Variants in MXD3 observed in about 807,000 individuals in gnomAD.
The protein encoded by MXD3 is Max-associated protein 3.
MXD3 carries 20 observed loss-of-function variants against 27.5 expected under a neutral mutation model. The ratio of observed to expected loss-of-function variants is 0.73; its 90% confidence interval spans 0.51 to 1.06. MXD3 has a LOEUF of 1.06. Ranked by LOEUF, MXD3 falls within the 50% of genes least tolerant of loss-of-function variation. The probability of loss-of-function intolerance (pLI) is 0.00; values close to 1 mark genes in which losing one functional copy is unlikely to be tolerated. For synonymous variants in MXD3, 150 were observed against 130.7 expected, an observed-to-expected ratio of 1.15 and a Z score of -1.01; for missense variants, 298 against 291.3, an observed-to-expected ratio of 1.02 and a Z score of -0.17.
rs918221972 is a variant in MXD3 at position 177,310,492 on chromosome 5, G to A, written c.255C>T (p.Pro85=). ...TGTACCGGGCACAGTCGGCCCCCAG[G>A]GGCATCTGCTGCTTCAGCCGCTCCA... The part of the protein sequence containing the change: ...RCLERLKQQM[P]LGADCARYTT... The change falls in exon 4 of 6, where the codon CCC becomes CCT. Residue 85 remains proline (P), a synonymous_variant. Coordinates refer to ENST00000439742, the MANE Select transcript of MXD3 (RefSeq NM_031300.4). 6.2e-7 allele frequency: 1 copy of A among 1,613,014 alleles called. No individual in the cohort carries two copies. Among genetic ancestry groups the A allele is most frequent in the African/African-American group, 1.3e-5 (1 of 75,032 alleles).
rs1259185023 is a variant in MXD3 at position 177,307,951 on chromosome 5, T to C, written c.335A>G (p.Gln112Arg). Residue 112 changes from glutamine to arginine, a missense_variant, in exon 5 of 6, where the codon CAG (glutamine) becomes CGG (arginine). Coordinates refer to ENST00000439742, the MANE Select transcript of MXD3 (RefSeq NM_031300.4). ...CTTGAGCTGTCGGGCCCGCTGCTCC[T>C]GATCCTCCAGCTTCTGCGGATCCCA... ...ARMHIQKLED[Q>R]EQRARQLKER... The C allele has an allele frequency of 1.1e-5, 17 of 1,562,912 alleles. No individual in the cohort carries two copies. Among genetic ancestry groups the C allele is most frequent in the African/African-American group, 1.4e-5 (1 of 73,550 alleles).
chr5:177,311,505 C>T, intron 1 of MXD3, 21 bp from the exon 2 acceptor site: 2 of 1,421,372 alleles, frequency 1.4e-6, no homozygotes, highest in South Asian at 1.6e-5. Context: ...GAGTCCCCGC[C>T]CGCGTCAGGC....
Position 177,310,472 on chromosome 5 carries a change from C to T in MXD3, c.275G>A (p.Arg92Gln), listed in dbSNP as rs758018110. Residue 92 changes from arginine (R) to glutamine (Q), a missense_variant, in exon 4 of 6, where the codon CGG becomes CAG. Physicochemically the swap from Arg to Gln is conservative, Grantham distance 43 (BLOSUM62 1). Transcript: ENST00000439742. ...GCGCAGCAGGCTCAGCGTGGTGTAC[C>T]GGGCACAGTCGGCCCCCAGGGGCAT... ...QQMPLGADCA[R>Q]YTTLSLLRRA... 8.1e-6 allele frequency: 13 copies of T among 1,613,012 alleles called. No homozygotes were observed. The highest frequency in any genetic ancestry group is 4.5e-5 in the East Asian group (2 of 44,878).
At position 177,307,591 on chromosome 5, in the gene MXD3, T is replaced by A. The variant is rs752277001; in HGVS notation, c.618A>T (p.Leu206=). 3 of 1,612,474 alleles carry A rather than the reference T, an allele frequency of 1.9e-6. No individual in the cohort carries two copies. The highest frequency in any genetic ancestry group is 3.3e-4 in the Middle Eastern group (2 of 6,060). The change falls in exon 6 of 6, where the codon CTA becomes CTT. Residue 206 remains leucine, a synonymous_variant. Coordinates refer to ENST00000439742, the MANE Select transcript of MXD3 (RefSeq NM_031300.4). ...HSYSHGGGAW[L] ...GGCCCGCCCTGGGTGAGGAACATCA[T>A]AGCCAGGCGCCGCCGCCGTGCGAGT...
chr5:177,312,590 T>C (rs1019423418), upstream of MXD3: 3 of 985,376 alleles, frequency 3.0e-6, no homozygotes, highest in Non-Finnish European at 3.6e-6. Context: ...GCCTGCCATC[T>C]GCCCCCGAAG....
Position 177,310,489 on chromosome 5 carries a change from CA to C in MXD3, c.257del (p.Leu86ArgfsTer11). ...TGGTGTACCGGGCACAGTCGGCCCC[CA>C]GGGGCATCTGCTGCTTCAGCCGCTC... The part of the protein sequence containing the change: ...CLERLKQQMP[L>X]GADCARYTTL... On this transcript the variant is annotated frameshift_variant, in exon 4 of 6. Transcript: ENST00000439742. LOFTEE classifies it high-confidence loss of function. 1 of 1,613,112 alleles carries C rather than the reference CA, an allele frequency of 6.2e-7. No homozygotes were observed. Among genetic ancestry groups the C allele is most frequent in the Non-Finnish European group, 8.5e-7 (1 of 1,179,678 alleles).
upstream of MXD3, chr5:177,312,614 C>T (rs571026636): frequency 1.5e-5 from 15 of 985,512 alleles, no homozygotes; most frequent in African/African-American, 2.3e-4. Flanking sequence ...CCCGTGGGCC[C>T]CAGCTTCCTA....
chr5:177,310,763 C>A, intron 2 of MXD3, 66 bp from the exon 3 acceptor site: 1 of 1,587,686 alleles, frequency 6.3e-7, no homozygotes, highest in Admixed American at 1.7e-5. Context: ...ATCCCAGGGC[C>A]CCCAGTGGCT....
chr5:177,306,012 G>T, downstream of MXD3: 1 of 1,605,796 alleles, frequency 6.2e-7, no homozygotes, highest in Non-Finnish European at 8.5e-7. Flanking sequence ...GGCTGCTGGG[G>T]CTCTGGGACC....
intron 4 of MXD3, among the ~76,000 whole-genome samples, chr5:177,310,125 T>G (rs1483197317): frequency 6.6e-6 from 1 of 152,166 alleles, no homozygotes; most frequent in Non-Finnish European, 1.5e-5. Flanking sequence ...GGAAGGTTAG[T>G]CCAGACAGGC....
chr5:177,307,315 G>A lies in MXD3; in HGVS notation c.*273C>T, dbSNP rs751256573. 22 of 1,547,832 alleles carry A rather than the reference G, an allele frequency of 1.4e-5. No homozygotes were observed. The Admixed American group carries it at 2.0e-4, about 14-fold the overall frequency. On this transcript the variant is annotated 3_prime_UTR_variant, in exon 6 of 6. Coordinates refer to ENST00000439742, the MANE Select transcript of MXD3 (RefSeq NM_031300.4). ...GCCCAAGAGGCTTCCTGTCCCCTTG[G>A]GGGCAGCAGAGCCAAATGCTTGGGC...
chr5:177,310,346 C>T lies in MXD3; in HGVS notation c.321+80G>A, dbSNP rs1761003825. On this transcript the variant is annotated intron_variant, in intron 4 of 5. Transcript: ENST00000439742. Reference sequence around the variant, plus strand: ...TTGAGCTCTGACCTCAGGTCTCGTTCCCCAGTCCCACCAGCCCCTCCATAG... The same window carrying T: ...TTGAGCTCTGACCTCAGGTCTCGTTTCCCAGTCCCACCAGCCCCTCCATAG... 3 of 1,137,618 alleles carry T rather than the reference C, an allele frequency of 2.6e-6. No homozygotes were observed. The South Asian group carries it at 4.4e-5, about 17-fold the overall frequency. 70.5% of individuals were successfully genotyped at this position (1,137,618 alleles called of 1,614,324 possible). A position where few individuals can be genotyped will look rare whatever the true frequency, so the allele number is the denominator to read the frequency against.
In MXD3 at chr5:177,310,715, G is replaced by A. The variant is rs774890326; in HGVS notation, c.177-18C>T. ...GCACTGACCTGCCAATGCCAGAGAG[G>A]ATGAGGTGAAGGGGAATCAGCTACT... On this transcript the variant is annotated intron_variant, in intron 2 of 5. Transcript: ENST00000439742. 3.7e-6 allele frequency: 6 copies of A among 1,614,124 alleles called. No homozygotes were observed. The Admixed American group carries it at 8.3e-5, about 22-fold the overall frequency.
chr5:177,307,126 T>C (rs773725100), downstream of MXD3: 5 of 1,523,194 alleles, frequency 3.3e-6, no homozygotes, highest in Non-Finnish European at 4.4e-6. Flanking sequence ...GTGTCAGTGA[T>C]GGGAACTGAT....
downstream of MXD3, chr5:177,307,123 T>A: frequency 6.6e-7 from 1 of 1,514,794 alleles, no homozygotes; most frequent in Non-Finnish European, 8.9e-7. Flanking sequence ...ACAGTGTCAG[T>A]GATGGGAACT....
downstream of MXD3, chr5:177,306,793 G>A (rs1018002806): frequency 2.0e-5 from 17 of 843,118 alleles, no homozygotes; most frequent in Middle Eastern, 3.1e-4. Flanking sequence ...AGGCACAGAG[G>A]TGCGGTGACT....
downstream of MXD3, chr5:177,305,982 C>T (rs1760861563): frequency 6.2e-7 from 1 of 1,613,500 alleles, no homozygotes; most frequent in Non-Finnish European, 8.5e-7. Context: ...CAGAGCTGTC[C>T]AGGTGAGCAG....
In MXD3 at chr5:177,311,780, G is replaced by A. The variant is rs747720468; in HGVS notation, c.51C>T (p.Phe17=). The change falls in exon 1 of 6, where the codon TTC becomes TTT. Residue 17 remains phenylalanine, a synonymous_variant. Coordinates refer to ENST00000439742, the MANE Select transcript of MXD3 (RefSeq NM_031300.4). The part of the protein sequence containing the change: ...NIQVLLQAAE[F]LERREREAEH... ...CCTCACCTCTCTCACGGCGCTCCAG[G>A]AACTCGGCCGCCTGCAGCAGGACCT... 1.4e-5 allele frequency: 22 copies of A among 1,613,212 alleles called. No individual in the cohort carries two copies. The highest frequency in any genetic ancestry group is 2.7e-5 in the African/African-American group (2 of 75,056).
chr5:177,307,578 G>T lies in MXD3; in HGVS notation c.*10C>A, dbSNP rs184284188. 1.2e-6 allele frequency: 2 copies of T among 1,611,886 alleles called. No individual in the cohort carries two copies. Among genetic ancestry groups the T allele is most frequent in the Non-Finnish European group, 1.7e-6 (2 of 1,179,774 alleles). ...AGTAGAGGGCAGAGGCCCGCCCTGGGTGAGGAACATCATAGCCAGGCGCCG... is the reference window on the plus strand; with the variant it reads ...AGTAGAGGGCAGAGGCCCGCCCTGGTTGAGGAACATCATAGCCAGGCGCCG... On this transcript the variant is annotated 3_prime_UTR_variant, in exon 6 of 6. Coordinates refer to ENST00000439742, the MANE Select transcript of MXD3 (RefSeq NM_031300.4).
Sources: gnomAD v4.1 joint callset for allele counts (sites outside exome capture counted in the v4.1 genomes callset) on GRCh38, gnomAD v4.1.1 for gene constraint, MANE v1.5 for transcripts, NCBI Gene and HGNC (gene_info 2026-07-23, HGNC 2026-07-21) for gene names.